The following EFNB2 variants were observed in gnomAD, a reference collection of about 807,000 sequenced individuals.
EFNB2 encodes the protein ephrin-B2.
EFNB2 carries 5 observed loss-of-function variants against 32.1 expected under a neutral mutation model. The observed-to-expected ratio is 0.16, with a 90% confidence interval of 0.08 to 0.33. The LOEUF (loss-of-function observed/expected upper bound fraction) is 0.33. Ranked by LOEUF, EFNB2 falls within the 10% of genes least tolerant of loss-of-function variation. The pLI is 1.00. For missense variants in EFNB2, 263 were observed against 422.6 expected (o/e 0.62, Z 3.31); for synonymous variants, 168 against 166.5 (o/e 1.01, Z -0.07).
chr13:106,514,441 A>G (rs1879247727), intron 1 of EFNB2, among the ~76,000 whole-genome samples: 1 of 152,164 alleles, frequency 6.6e-6, no homozygotes. Context: ...TTTCTCAAGT[A>G]ACAGACTGAA....
chr13:106,508,015 G>T (rs911281178), intron 2 of EFNB2, among the ~76,000 whole-genome samples: 1 of 152,144 alleles, frequency 6.6e-6, no homozygotes, highest in African/African-American at 2.4e-5. Context: ...ATCCATCTCT[G>T]ACTCACATGA....
intron 2 of EFNB2, among the ~76,000 whole-genome samples, chr13:106,503,282 A>C (rs192011101): frequency 5.3e-5 from 8 of 152,354 alleles, no homozygotes; most frequent in African/African-American, 7.2e-5. Context: ...CAAAACAAAA[A>C]AAAAGCTTTT....
At chr13:106,509,625 GAC>G in intron 2 of EFNB2, among the ~76,000 whole-genome samples, 2 of 110,016 alleles carry the variant, frequency 1.8e-5, no homozygotes, top group African/African-American at 7.7e-5. Context: ...TACAGAGCTT[GAC>G]TGTGTGTGTG....
chr13:106,521,842 T>C, intron 1 of EFNB2, among the ~76,000 whole-genome samples: 1 of 151,556 alleles, frequency 6.6e-6, no homozygotes, highest in East Asian at 1.9e-4. Flanking sequence ...TCATAAAAAA[T>C]TCACAGAAGG....
rs988225578 is a variant in EFNB2 at position 106,490,920 on chromosome 13, G to A, written c.*2120C>T. On this transcript the variant is annotated 3_prime_UTR_variant, in exon 5 of 5. Transcript: ENST00000646441. ...TTGCAGGTACTCACTGGAGGTCTGA[G>A]AACCTTAAAATGCTGTCGCTACATT... 8 of 139,072 alleles carry A rather than the reference G, an allele frequency of 5.8e-5. No individual in the cohort carries two copies. The highest frequency in any genetic ancestry group is 7.7e-5 in the Non-Finnish European group (5 of 64,622). 8.6% of individuals were successfully genotyped at this position (139,072 alleles called of 1,614,324 possible). A position where few individuals can be genotyped will look rare whatever the true frequency, so the allele number is the denominator to read the frequency against.
intron 2 of EFNB2, among the ~76,000 whole-genome samples, chr13:106,502,904 C>T (rs951616607): frequency 5.3e-5 from 8 of 152,140 alleles, no homozygotes; most frequent in Non-Finnish European, 7.3e-5. Context: ...CGTGCAAGCA[C>T]ATGTACACAT....
chr13:106,524,302 A>G (rs1023824269), intron 1 of EFNB2, among the ~76,000 whole-genome samples: 1 of 152,218 alleles, frequency 6.6e-6, no homozygotes, highest in Non-Finnish European at 1.5e-5. Context: ...TGCTTAATTT[A>G]GTTATATGAT....
At chr13:106,499,501 A>G (rs866922675) in intron 2 of EFNB2, among the ~76,000 whole-genome samples, 74 of 152,310 alleles carry the variant, frequency 4.9e-4, no homozygotes, top group African/African-American at 1.8e-3. Flanking sequence ...ATTTGAATGT[A>G]CTGGGAATTT....
intron 4 of EFNB2, 27 bp downstream of exon 4, chr13:106,494,854 C>G: frequency 1.9e-6 from 3 of 1,552,288 alleles, no homozygotes; most frequent in Non-Finnish European, 2.7e-6. Flanking sequence ...CCACAGACCT[C>G]CATACACACA....
At chr13:106,496,511 G>C (rs569923020) in intron 2 of EFNB2, among the ~76,000 whole-genome samples, 23 of 152,252 alleles carry the variant, frequency 1.5e-4, no homozygotes, top group African/African-American at 5.5e-4. Context: ...TACCTGTTGC[G>C]GGAAAACTCT....
chr13:106,526,113 C>G (rs1319317602), intron 1 of EFNB2, among the ~76,000 whole-genome samples: 2 of 152,140 alleles, frequency 1.3e-5, no homozygotes, highest in East Asian at 3.9e-4. Context: ...GGGGGTGGGG[C>G]CCAGAAACCC....
rs1377008260 is a variant in EFNB2, at chr13:106,535,177, G to C, written c.-213C>G. ...GCGCGGGGCGGGAGCGCACGCGCGG[G>C]GCGCGGCGGCGCGGCGGACTCGGGG... On this transcript the variant is annotated 5_prime_UTR_variant, in exon 1 of 5. Coordinates refer to ENST00000646441, the MANE Select transcript of EFNB2 (RefSeq NM_004093.4). 2.0e-5 allele frequency: 4 copies of C among 203,580 alleles called. No homozygotes were observed. The highest frequency in any genetic ancestry group is 2.6e-5 in the Non-Finnish European group (3 of 115,446). 12.6% of individuals were successfully genotyped at this position (203,580 alleles called of 1,614,324 possible).
chr13:106,520,954 G>T (rs1253599388), intron 1 of EFNB2: 1 of 152,144 alleles, frequency 6.6e-6, no homozygotes, highest in Non-Finnish European at 1.5e-5. Context: ...AAAACTTCCA[G>T]CGAGGGCACC....
At chr13:106,507,528 TTTAC>T (rs557689782) in intron 2 of EFNB2, among the ~76,000 whole-genome samples, 68 of 152,304 alleles carry the variant, frequency 4.5e-4, no homozygotes, top group African/African-American at 1.6e-3. Flanking sequence ...GTGGAAGCAT[TTTAC>T]TTTATTTTGT....
Position 106,493,438 on chromosome 13 carries a change from C to A in EFNB2, c.614-10G>T, listed in dbSNP as rs192600408. On this transcript the variant is annotated splice_polypyrimidine_tract_variant and intron_variant, in intron 4 of 4. Transcript: ENST00000646441. This position sits in a 1 kb window ranked among gnomAD's most constrained non-coding sequence, Gnocchi z 6.1. ...CCGTCTGTGCTAGAACCTGCAGACGCGGAGACAGAAAAGGTCAGAGATAGT... is the reference window on the plus strand; with the variant it reads ...CCGTCTGTGCTAGAACCTGCAGACGAGGAGACAGAAAAGGTCAGAGATAGT... The A allele has an allele frequency of 1.3e-6, 2 of 1,599,918 alleles. No homozygotes were observed. Among genetic ancestry groups the A allele is most frequent in the Non-Finnish European group, 1.7e-6 (2 of 1,171,050 alleles).
chr13:106,522,952 C>T (rs180747524), intron 1 of EFNB2, among the ~76,000 whole-genome samples: 1 of 152,262 alleles, frequency 6.6e-6, no homozygotes, highest in Admixed American at 6.5e-5. Context: ...ATAAAACTCT[C>T]CAAGTTCTCT....
chr13:106,511,615 T>C lies in EFNB2; in HGVS notation c.406+914A>G, dbSNP rs551244852. Among the ~76,000 whole-genome samples, 7 of 152,276 alleles carry C rather than the reference T, an allele frequency of 4.6e-5. No individual in the cohort carries two copies. The South Asian group carries it at 1.5e-3, about 32-fold the overall frequency. ...ATAATAAACCAGTGGCAGATAGCAG[T>C]TCCCTAATAAACTGAAGTCTATGGT... On this transcript the variant is annotated intron_variant, in intron 2 of 4. Coordinates refer to ENST00000646441, the MANE Select transcript of EFNB2 (RefSeq NM_004093.4).
chr13:106,521,377 C>G (rs1879514023), intron 1 of EFNB2: 1 of 152,146 alleles, frequency 6.6e-6, no homozygotes, highest in Non-Finnish European at 1.5e-5. Flanking sequence ...ATTTGTGCCT[C>G]TTCATCACGC....
Position 106,491,005 on chromosome 13 carries a change from A to ATTT in EFNB2, c.*2034_*2035insAAA, listed in dbSNP as rs1403954361. The ATTT allele has an allele frequency of 6.6e-6, 1 of 152,468 alleles. No individual in the cohort carries two copies. Among genetic ancestry groups the ATTT allele is most frequent in the Non-Finnish European group, 1.5e-5 (1 of 68,010 alleles). The allele number at this position is 152,468 out of a possible 1,614,324, so 9.4% of individuals were successfully genotyped here. ...CCATAGTAACAGGACTATGTTAAAG[A>ATTT]TGTCTATTTTGCATAGCACATAAAA... is the stretch of plus-strand genomic sequence containing the variant. On this transcript the variant is annotated 3_prime_UTR_variant, in exon 5 of 5. Coordinates refer to ENST00000646441, the MANE Select transcript of EFNB2 (RefSeq NM_004093.4).
Sources: allele counts gnomAD v4.1 joint callset (sites outside exome capture counted in the v4.1 genomes callset), GRCh38; gene constraint gnomAD v4.1.1; non-coding constraint Gnocchi (gnomAD v3.1); transcripts MANE v1.5; gene names NCBI Gene and HGNC (gene_info 2026-07-23, HGNC 2026-07-21).